The following SH3RF3 variants were observed in gnomAD, a reference collection of about 807,000 sequenced individuals.
SH3RF3 encodes SH3 domain containing ring finger 3, also known as E3 ubiquitin-protein ligase SH3RF3.
SH3RF3 carries 29 observed loss-of-function variants against 66.3 expected under a neutral mutation model. The observed-to-expected ratio is 0.44, with a 90% CI of 0.33 to 0.60. The LOEUF (loss-of-function observed/expected upper bound fraction) is 0.60, where lower values mean the gene tolerates loss of function less well. Among genes scored for constraint, SH3RF3 ranks in the 20% least tolerant of loss-of-function variants. SH3RF3 has a pLI of 0.04. For synonymous variants in SH3RF3, 583 were observed against 532.0 expected (o/e 1.10, Z -1.32); for missense variants, 1,194 against 1,190.9 (o/e 1.00, Z -0.04).
At chr2:109,315,329 T>A (rs1469268889) in intron 1 of SH3RF3, among the ~76,000 whole-genome samples, 1 of 152,220 alleles carries the variant, frequency 6.6e-6, no homozygotes, top group Non-Finnish European at 1.5e-5. Flanking sequence ...AGTTCTTAAC[T>A]AATGCCAAGC....
In SH3RF3 at chr2:109,226,992, C is replaced by G. The variant is rs140140250; in HGVS notation, c.573+96879C>G. Among the ~76,000 whole-genome samples, 767 of 152,292 alleles carry G rather than the reference C, an allele frequency of 5.0e-3. 5 individuals carry two copies. Among genetic ancestry groups the G allele is most frequent in the African/African-American group, 0.018 (731 of 41,560 alleles). On this transcript the variant is annotated intron_variant, in intron 1 of 9. Coordinates refer to ENST00000309415, the MANE Select transcript of SH3RF3 (RefSeq NM_001099289.3). ...GATGCCATCAGGACTTGGTCTCTTT[C>G]TAGCTCTGGGTCCCACCAAGCTTTT...
At chr2:109,420,656 A>G (rs1029288538) in intron 5 of SH3RF3, among the ~76,000 whole-genome samples, 2 of 152,300 alleles carry the variant, frequency 1.3e-5, no homozygotes, top group Admixed American at 6.5e-5. Flanking sequence ...CGTGTTAGCC[A>G]GGATGGTCTC....
intron 2 of SH3RF3, among the ~76,000 whole-genome samples, chr2:109,365,600 G>C (rs1236823763): frequency 1.3e-5 from 2 of 152,120 alleles, no homozygotes; most frequent in African/African-American, 4.8e-5. Context: ...GTTAGCTATT[G>C]AATGGTGTGT....
rs1573302457 is a variant in SH3RF3, at chr2:109,502,086, T to C, written c.*415T>C. On this transcript the variant is annotated 3_prime_UTR_variant, in exon 10 of 10. Coordinates refer to ENST00000309415, the MANE Select transcript of SH3RF3 (RefSeq NM_001099289.3). ...GGCCAGGAGCGCTGGAGATCATCTTTCTGGGCTGCCCTGGGCTTCCCGCGG... is the reference window on the plus strand; with the variant it reads ...GGCCAGGAGCGCTGGAGATCATCTTCCTGGGCTGCCCTGGGCTTCCCGCGG... 5.4e-6 allele frequency: 1 copy of C among 184,228 alleles called. No homozygotes were observed. Among genetic ancestry groups the C allele is most frequent in the Admixed American group, 5.3e-5 (1 of 18,734 alleles). 11.4% of individuals were successfully genotyped at this position (184,228 alleles called of 1,614,324 possible).
At chr2:109,408,530 A>C (rs1371207356) in intron 4 of SH3RF3, among the ~76,000 whole-genome samples, 1 of 152,198 alleles carries the variant, frequency 6.6e-6, no homozygotes, top group Non-Finnish European at 1.5e-5. Context: ...GCTCACGCCC[A>C]GGCCGGGTTC....
chr2:109,358,177 T>C (rs1682990000), intron 2 of SH3RF3, among the ~76,000 whole-genome samples: 1 of 152,246 alleles, frequency 6.6e-6, no homozygotes, highest in African/African-American at 2.4e-5. Context: ...TTGCCTTCAC[T>C]TAGCAATTTG....
intron 1 of SH3RF3, among the ~76,000 whole-genome samples, chr2:109,246,946 G>A (rs1280762095): frequency 2.6e-5 from 4 of 152,214 alleles, no homozygotes; most frequent in Admixed American, 1.3e-4. Context: ...GCCTTGAGGA[G>A]GCGTTCCCAG....
intron 1 of SH3RF3, among the ~76,000 whole-genome samples, chr2:109,218,539 C>G (rs1679155121): frequency 6.6e-6 from 1 of 152,192 alleles, no homozygotes; most frequent in Non-Finnish European, 1.5e-5. Context: ...CGGATGCCTT[C>G]TGACCACAAA....
intron 1 of SH3RF3, among the ~76,000 whole-genome samples, chr2:109,278,229 C>G (rs931405764): frequency 2.0e-5 from 3 of 152,058 alleles, no homozygotes; most frequent in Non-Finnish European, 4.4e-5. Flanking sequence ...TCTCTGCACT[C>G]CTTTGTGGAG....
Position 109,259,511 on chromosome 2 carries a change from C to T in SH3RF3, c.574-88163C>T, listed in dbSNP as rs568890324. On this transcript the variant is annotated intron_variant, in intron 1 of 9. Transcript: ENST00000309415. ...CCTTGATTTTCCTTCTGTGCAAAGT[C>T]AGGACTCTCCGGGGCCCTTCATGCC... is the stretch of plus-strand genomic sequence containing the variant. 3.3e-5 allele frequency among the ~76,000 whole-genome samples: 5 copies of T among 152,314 alleles called. No homozygotes were observed. The South Asian group carries it at 1.0e-3, about 32-fold the overall frequency.
intron 2 of SH3RF3, among the ~76,000 whole-genome samples, chr2:109,355,557 C>T (rs907905055): frequency 6.6e-6 from 1 of 152,304 alleles, no homozygotes; most frequent in Admixed American, 6.5e-5. Flanking sequence ...TTCTAGAAAA[C>T]GTTCCTGACC....
In SH3RF3 at chr2:109,455,757, G is replaced by A. The variant is rs7425730; in HGVS notation, c.2148+6268G>A. On this transcript the variant is annotated intron_variant, in intron 8 of 9. Transcript: ENST00000309415. The stretch of plus-strand genomic sequence containing the variant: ...ATCCCAGTTCTGTCGACAGGCAGCC[G>A]GGGAAGCCAGCTGCTGCCAGCGCTC... Among the ~76,000 whole-genome samples the A allele has an allele frequency of 1.2e-3, 180 of 152,080 alleles. 3 individuals carry two copies. Among genetic ancestry groups the A allele is most frequent in the Middle Eastern group, 0.01 (3 of 288 alleles).
At chr2:109,211,102 G>C (rs1297851486) in intron 1 of SH3RF3, among the ~76,000 whole-genome samples, 1 of 152,184 alleles carries the variant, frequency 6.6e-6, no homozygotes, top group African/African-American at 2.4e-5. Flanking sequence ...GCCCATTTAT[G>C]TGTGTCTATG....
chr2:109,248,386 A>T (rs1679971452), intron 1 of SH3RF3, among the ~76,000 whole-genome samples: 1 of 152,108 alleles, frequency 6.6e-6, no homozygotes, highest in East Asian at 1.9e-4. Context: ...TCTCATGATT[A>T]TGTGTTATCG....
chr2:109,477,830 G>A (rs1374399927), intron 8 of SH3RF3, among the ~76,000 whole-genome samples: 1 of 152,178 alleles, frequency 6.6e-6, no homozygotes, highest in African/African-American at 2.4e-5. Flanking sequence ...ATCTCCCAGA[G>A]ACCCCACCTC....
At chr2:109,223,095 C>G (rs1032582929) in intron 1 of SH3RF3, among the ~76,000 whole-genome samples, 32 of 152,354 alleles carry the variant, frequency 2.1e-4, no homozygotes, top group African/African-American at 7.5e-4. Flanking sequence ...GCTTCTCCAT[C>G]CCAGACAGGG....
At chr2:109,229,730 A>G (rs570497712) in intron 1 of SH3RF3, among the ~76,000 whole-genome samples, 1 of 152,212 alleles carries the variant, frequency 6.6e-6, no homozygotes, top group South Asian at 2.1e-4. Flanking sequence ...GGAATCATAG[A>G]ATATTTGTCC....
At chr2:109,235,463 C>A (rs1679625019) in intron 1 of SH3RF3, among the ~76,000 whole-genome samples, 1 of 152,128 alleles carries the variant, frequency 6.6e-6, no homozygotes, top group Admixed American at 6.5e-5. Context: ...GAGCAAGGGG[C>A]CCTATTAACC....
chr2:109,291,069 TCC>T (rs1681158351), intron 1 of SH3RF3, among the ~76,000 whole-genome samples: 1 of 152,062 alleles, frequency 6.6e-6, no homozygotes. Context: ...CAACAAATAA[TCC>T]CATAGCTTCC....
Sources: gnomAD v4.1 joint callset for allele counts (sites outside exome capture counted in the v4.1 genomes callset) on GRCh38, gnomAD v4.1.1 for gene constraint, MANE v1.5 for transcripts, NCBI Gene and HGNC (gene_info 2026-07-23, HGNC 2026-07-21) for gene names.